The following REEP3 variants were observed in gnomAD, a reference collection of about 807,000 sequenced individuals.
REEP3 encodes the protein receptor accessory protein 3.
REEP3 carries 20 observed loss-of-function variants against 41.3 expected under a neutral mutation model. The ratio of observed to expected loss-of-function variants is 0.48; its 90% CI spans 0.34 to 0.70. REEP3 has a LOEUF of 0.70. Ranked by LOEUF, REEP3 falls within the 30% of genes least tolerant of loss-of-function variation. The pLI is 0.01. For missense variants in REEP3, 271 were observed against 308.8 expected, an observed-to-expected ratio of 0.88 and a Z score of 0.92; for synonymous variants, 104 against 101.8, an observed-to-expected ratio of 1.02 and a Z score of -0.13.
rs376637522 is a variant in REEP3, at chr10:63,566,226, C to T, written c.33-112C>T. On this transcript the variant is annotated intron_variant, in intron 1 of 7. Coordinates refer to ENST00000373758, the MANE Select transcript of REEP3 (RefSeq NM_001001330.3). ...AAAATATATTTTTACTTTTTCTGAGCGGATTTAATTTACACACAAATTTAC... is the reference window on the plus strand; with the variant it reads ...AAAATATATTTTTACTTTTTCTGAGTGGATTTAATTTACACACAAATTTAC... The T allele has an allele frequency of 3.4e-4, 231 of 681,216 alleles. 1 individual carries two copies. In the African/African-American group the frequency reaches 3.7e-3, roughly 11 times the overall value. The allele number at this position is 681,216 out of a possible 1,614,324, so 42.2% of individuals were successfully genotyped here.
chr10:63,579,041 T>TG (rs34124994), intron 2 of REEP3, among the ~76,000 whole-genome samples: 56,721 of 135,870 alleles, frequency 0.42, 12,387 homozygotes, highest in South Asian at 0.52. Context: ...TGTTTTTTTT[T>TG]GGGGGGGGGG....
At position 63,571,431 on chromosome 10, in the gene REEP3, A is replaced by C. The variant is rs369036656; in HGVS notation, c.105+5021A>C. Among the ~76,000 whole-genome samples, 5 of 152,130 alleles carry C rather than the reference A, an allele frequency of 3.3e-5. No individual in the cohort carries two copies. In the East Asian group the frequency reaches 9.7e-4, roughly 29 times the overall value. On this transcript the variant is annotated intron_variant, in intron 2 of 7. Coordinates refer to ENST00000373758, the MANE Select transcript of REEP3 (RefSeq NM_001001330.3). The stretch of plus-strand genomic sequence containing the variant: ...ACTCCAGCTTCTACAGGCTGCCCGC[A>C]TTCCTTGGTTTATGGCTTTATTCTT...
chr10:63,528,180 C>T (rs920341424), intron 1 of REEP3, among the ~76,000 whole-genome samples: 1 of 152,142 alleles, frequency 6.6e-6, no homozygotes, highest in African/African-American at 2.4e-5. Context: ...TTTTCAGCTG[C>T]GTTCTTTGCT....
chr10:63,570,896 CTT>C (rs1355192459), intron 2 of REEP3, among the ~76,000 whole-genome samples: 1 of 152,148 alleles, frequency 6.6e-6, no homozygotes, highest in African/African-American at 2.4e-5. Context: ...AGGCTGATCT[CTT>C]GAGCCCAGGA....
chr10:63,531,123 A>G (rs1056809370), intron 1 of REEP3, among the ~76,000 whole-genome samples: 1 of 152,210 alleles, frequency 6.6e-6, no homozygotes, highest in Non-Finnish European at 1.5e-5. Flanking sequence ...ATACTCACTA[A>G]AACACTGTGA....
intron 2 of REEP3, among the ~76,000 whole-genome samples, chr10:63,573,409 G>A (rs565558928): frequency 2.6e-5 from 4 of 152,240 alleles, no homozygotes; most frequent in Non-Finnish European, 1.5e-5. Flanking sequence ...CTTCCAAGTC[G>A]TGTGTAATTG....
At chr10:63,596,834 A>G (rs1427375765) in intron 3 of REEP3, among the ~76,000 whole-genome samples, 1 of 152,018 alleles carries the variant, frequency 6.6e-6, no homozygotes, top group African/African-American at 2.4e-5. Flanking sequence ...CTGGAGTGCA[A>G]TGGCATGATG....
chr10:63,532,104 G>A (rs909573044), intron 1 of REEP3, among the ~76,000 whole-genome samples: 2 of 152,160 alleles, frequency 1.3e-5, no homozygotes, highest in South Asian at 4.2e-4. Flanking sequence ...GTTTTTCCTG[G>A]TCTTAGAATT....
intron 1 of REEP3, among the ~76,000 whole-genome samples, chr10:63,552,721 T>G (rs1955641104): frequency 6.6e-6 from 1 of 152,320 alleles, no homozygotes; most frequent in South Asian, 2.1e-4. Context: ...TGGTGGAGAT[T>G]ATACCATTTC....
intron 1 of REEP3, among the ~76,000 whole-genome samples, chr10:63,537,959 C>G (rs55707306): frequency 6.3e-5 from 9 of 143,202 alleles, no homozygotes; most frequent in Admixed American, 2.8e-4. Context: ...TTCTTCCCCC[C>G]CCGACCCCCA....
intron 2 of REEP3, among the ~76,000 whole-genome samples, chr10:63,571,287 T>C (rs1363422893): frequency 1.3e-5 from 2 of 152,234 alleles, no homozygotes; most frequent in African/African-American, 4.8e-5. Flanking sequence ...TATCACACTC[T>C]TATTGGCTTA....
chr10:63,611,148 G>C (rs1956274417), intron 6 of REEP3, among the ~76,000 whole-genome samples: 1 of 152,138 alleles, frequency 6.6e-6, no homozygotes, highest in Admixed American at 6.5e-5. Flanking sequence ...CTCTTTTGCT[G>C]CCATGAATTT....
At chr10:63,599,817 T>C in intron 5 of REEP3, 1 of 301,570 alleles carries the variant, frequency 3.3e-6, no homozygotes, top group Non-Finnish European at 4.9e-6. Context: ...AGTTATCAAA[T>C]GAATGTGTTC....
At chr10:63,545,688 T>G (rs1024200895) in intron 1 of REEP3, among the ~76,000 whole-genome samples, 18 of 139,576 alleles carry the variant, frequency 1.3e-4, no homozygotes, top group African/African-American at 3.0e-4. Flanking sequence ...CTGTTTTTTT[T>G]TTTTTTTTTT....
intron 1 of REEP3, among the ~76,000 whole-genome samples, chr10:63,523,970 C>T (rs1955332110): frequency 6.6e-6 from 1 of 152,138 alleles, no homozygotes; most frequent in Non-Finnish European, 1.5e-5. Context: ...TAAAGCCTCT[C>T]TCCAGTTAAA....
At chr10:63,573,365 C>T (rs936036791) in intron 2 of REEP3, among the ~76,000 whole-genome samples, 7 of 152,198 alleles carry the variant, frequency 4.6e-5, no homozygotes, top group African/African-American at 1.7e-4. Context: ...TTTTCAGGCT[C>T]ATTCCATCTC....
intron 2 of REEP3, among the ~76,000 whole-genome samples, chr10:63,583,509 G>A (rs2133391319): frequency 6.6e-6 from 1 of 152,312 alleles, no homozygotes; most frequent in East Asian, 1.9e-4. Context: ...GACACCTAGA[G>A]AATGAAGCAT....
At chr10:63,526,302 A>G (rs1455304391) in intron 1 of REEP3, among the ~76,000 whole-genome samples, 2 of 152,058 alleles carry the variant, frequency 1.3e-5, no homozygotes, top group East Asian at 1.9e-4. Flanking sequence ...ATCTATTTGT[A>G]TTTAATTTTA....
chr10:63,569,279 A>C (rs547434038), intron 2 of REEP3, among the ~76,000 whole-genome samples: 7 of 152,292 alleles, frequency 4.6e-5, no homozygotes, highest in African/African-American at 1.7e-4. Context: ...TATTGTTATT[A>C]AATTAGATCT....
Sources: allele counts gnomAD v4.1 joint callset (sites outside exome capture counted in the v4.1 genomes callset), GRCh38; gene constraint gnomAD v4.1.1; transcripts MANE v1.5; gene names NCBI Gene and HGNC (gene_info 2026-07-23, HGNC 2026-07-21).